The following RBFOX1 variants were observed in gnomAD, a reference collection of about 807,000 sequenced individuals.
The protein encoded by RBFOX1 is RNA binding fox-1 homolog 1.
RBFOX1 carries 8 observed loss-of-function variants against 57.7 expected under a neutral mutation model. The ratio of observed to expected loss-of-function variants is 0.14; its 90% CI spans 0.08 to 0.25. RBFOX1 has a LOEUF of 0.25. RBFOX1 is among the 10% of genes least tolerant of loss of function. The probability of loss-of-function intolerance (pLI) is 1.00; values close to 1 mark genes in which losing one functional copy is unlikely to be tolerated. For synonymous variants in RBFOX1, 326 were observed against 222.4 expected (o/e 1.47, Z -4.15); for missense variants, 611 against 548.5 (o/e 1.11, Z -1.14).
chr16:6,790,823 A>T (rs1303290684), intron 3 of RBFOX1, among the ~76,000 whole-genome samples: 1 of 152,168 alleles, frequency 6.6e-6, no homozygotes, highest in Non-Finnish European at 1.5e-5. Context: ...TTTATTTTCA[A>T]ATCACAGTTA....
At chr16:7,165,788 A>AT (rs1394368014) in intron 4 of RBFOX1, among the ~76,000 whole-genome samples, 1 of 152,026 alleles carries the variant, frequency 6.6e-6, no homozygotes, top group Non-Finnish European at 1.5e-5. Context: ...GTGACTCTGA[A>AT]TAGGGTGGGG....
At chr16:5,670,565 G>A (rs2049986624) in intron 3 of RBFOX1, among the ~76,000 whole-genome samples, 1 of 152,200 alleles carries the variant, frequency 6.6e-6, no homozygotes, top group South Asian at 2.1e-4. Flanking sequence ...CTGTGATACT[G>A]CCTGAGGTCC....
rs1240509444 is a variant in RBFOX1, at chr16:7,125,018, A to C, written c.27+72920A>C. 2.0e-5 allele frequency among the ~76,000 whole-genome samples: 3 copies of C among 152,270 alleles called. No individual in the cohort carries two copies. The East Asian group carries it at 5.8e-4, about 29-fold the overall frequency. Reference sequence around the variant, plus strand: ...GAGAGGTAGACATTTACATATGGGAAGGAGGGGGCCGGCTTATTAAGAGCA... The same window carrying C: ...GAGAGGTAGACATTTACATATGGGACGGAGGGGGCCGGCTTATTAAGAGCA... On this transcript the variant is annotated intron_variant, in intron 4 of 15. Transcript: ENST00000550418.
At chr16:5,375,883 C>T (rs1209599314) in intron 1 of RBFOX1, among the ~76,000 whole-genome samples, 1 of 152,172 alleles carries the variant, frequency 6.6e-6, no homozygotes, top group Admixed American at 6.5e-5. Flanking sequence ...AGATAGTCAT[C>T]TGGCTGGGTG....
At chr16:7,022,156 G>A (rs902974460) in intron 3 of RBFOX1, among the ~76,000 whole-genome samples, 2 of 148,404 alleles carry the variant, frequency 1.3e-5, no homozygotes, top group African/African-American at 5.0e-5. Flanking sequence ...TCTGCCTCCT[G>A]GGTTATAAAT....
At chr16:6,058,108 T>C (rs1426090326) in intron 1 of RBFOX1, among the ~76,000 whole-genome samples, 2 of 152,102 alleles carry the variant, frequency 1.3e-5, no homozygotes, top group African/African-American at 2.4e-5. Context: ...GGGTTTTTAT[T>C]TGAAGTAGAG....
chr16:6,698,522 T>G (rs529394733), intron 3 of RBFOX1, among the ~76,000 whole-genome samples: 1 of 152,324 alleles, frequency 6.6e-6, no homozygotes, highest in South Asian at 2.1e-4. Context: ...GCTTAACTCT[T>G]TCTTTTGTCT....
At chr16:7,551,671 G>C (rs1275480178) in intron 5 of RBFOX1, among the ~76,000 whole-genome samples, 1 of 152,156 alleles carries the variant, frequency 6.6e-6, no homozygotes, top group African/African-American at 2.4e-5. Flanking sequence ...ACTCTAGCTG[G>C]TTCAGTGGCA....
Position 7,190,911 on chromosome 16 carries a change from T to C in RBFOX1, c.27+138813T>C, listed in dbSNP as rs149038079. On this transcript the variant is annotated intron_variant, in intron 4 of 15. Transcript: ENST00000550418. ...TGTTTAGAGAATCATGAAGGAAGCATATTTTACAAAGACCTTTTTTTTTTC... is the reference window on the plus strand; with the variant it reads ...TGTTTAGAGAATCATGAAGGAAGCACATTTTACAAAGACCTTTTTTTTTTC... 7.2e-5 allele frequency among the ~76,000 whole-genome samples: 11 copies of C among 152,218 alleles called. No individual in the cohort carries two copies. In the East Asian group the frequency reaches 1.9e-3, roughly 27 times the overall value.
At chr16:7,530,800 C>G (rs553635231) in intron 5 of RBFOX1, among the ~76,000 whole-genome samples, 23 of 152,352 alleles carry the variant, frequency 1.5e-4, no homozygotes, top group Admixed American at 1.2e-3. Flanking sequence ...AGAAACATAA[C>G]CAGACTCTCA....
chr16:6,238,360 C>T (rs1006112001), intron 1 of RBFOX1, among the ~76,000 whole-genome samples: 2 of 152,124 alleles, frequency 1.3e-5, no homozygotes, highest in Admixed American at 6.6e-5. Flanking sequence ...TACAGGCGCC[C>T]AGCAGCACAT....
intron 1 of RBFOX1, among the ~76,000 whole-genome samples, chr16:6,117,331 T>G (rs184009131): frequency 6.6e-6 from 1 of 152,238 alleles, no homozygotes; most frequent in Non-Finnish European, 1.5e-5. Context: ...AGAAGACAGC[T>G]TCACCTTCGT....
At chr16:6,550,009 G>T (rs930240393) in intron 2 of RBFOX1, among the ~76,000 whole-genome samples, 1 of 152,112 alleles carries the variant, frequency 6.6e-6, no homozygotes, top group Non-Finnish European at 1.5e-5. Flanking sequence ...TCTAAGAGGG[G>T]TGACAGTTTC....
intron 3 of RBFOX1, among the ~76,000 whole-genome samples, chr16:6,664,021 G>C (rs569451861): frequency 1.3e-5 from 2 of 152,342 alleles, no homozygotes; most frequent in African/African-American, 4.8e-5. Flanking sequence ...AATGAAATCT[G>C]TGTCACATGG....
intron 3 of RBFOX1, among the ~76,000 whole-genome samples, chr16:6,749,144 C>A (rs892686871): frequency 6.6e-6 from 1 of 152,164 alleles, no homozygotes; most frequent in South Asian, 2.1e-4. Context: ...GGCCGGATGG[C>A]ATTCGAGAGA....
intron 3 of RBFOX1, among the ~76,000 whole-genome samples, chr16:5,776,624 C>A (rs535863288): frequency 6.6e-6 from 1 of 152,192 alleles, no homozygotes; most frequent in Non-Finnish European, 1.5e-5. Context: ...CCACAGTGAG[C>A]CTTCATCATA....
At chr16:7,168,146 C>A (rs2152435588) in intron 4 of RBFOX1, among the ~76,000 whole-genome samples, 1 of 152,264 alleles carries the variant, frequency 6.6e-6, no homozygotes, top group Admixed American at 6.5e-5. Flanking sequence ...AATCAGTCAG[C>A]ATTAAAGTTC....
At chr16:5,622,837 G>A (rs1250245617) in intron 3 of RBFOX1, among the ~76,000 whole-genome samples, 2 of 152,168 alleles carry the variant, frequency 1.3e-5, no homozygotes, top group African/African-American at 4.8e-5. Flanking sequence ...ATATCCTTAC[G>A]TGTACGATGG....
At chr16:5,307,777 A>T (rs990726191) in intron 1 of RBFOX1, among the ~76,000 whole-genome samples, 2 of 152,138 alleles carry the variant, frequency 1.3e-5, no homozygotes, top group Non-Finnish European at 2.9e-5. Flanking sequence ...GGGCTTAAGC[A>T]ATCCTCCCAC....
Sources: allele counts gnomAD v4.1 joint callset (sites outside exome capture counted in the v4.1 genomes callset), GRCh38; gene constraint gnomAD v4.1.1; transcripts MANE v1.5; gene names NCBI Gene and HGNC (gene_info 2026-07-23, HGNC 2026-07-21).